Variants in SHISA9 observed in about 807,000 individuals in gnomAD.
SHISA9 encodes shisa family member 9, also known as protein shisa-9.
In SHISA9, 13 loss-of-function variants were observed where a neutral mutation model predicts 38.0. The ratio of observed to expected loss-of-function variants is 0.34; its 90% CI spans 0.22 to 0.54. The LOEUF is 0.54. Ranked by LOEUF, SHISA9 falls within the 20% of genes least tolerant of loss-of-function variation. The pLI is 0.91. For synonymous variants in SHISA9, 275 were observed against 242.0 expected (o/e 1.14, Z -1.27); for missense variants, 538 against 575.8 (o/e 0.93, Z 0.67).
chr16:13,106,441 GATA>G (rs2073926172), intron 2 of SHISA9, among the ~76,000 whole-genome samples: 2 of 152,222 alleles, frequency 1.3e-5, no homozygotes, highest in South Asian at 4.2e-4. Context: ...CTTGTTATAG[GATA>G]ATAATACCTA....
At chr16:13,517,766 A>G in the SHISA9 span, among the ~76,000 whole-genome samples, 6 of 152,122 alleles carry the variant, frequency 3.9e-5, no homozygotes, top group African/African-American at 1.4e-4. Context: ...AAACCTCTCA[A>G]AGTTCTTCAT....
At chr16:13,018,925 C>T in intron 2 of SHISA9, among the ~76,000 whole-genome samples, 1 of 152,212 alleles carries the variant, frequency 6.6e-6, no homozygotes. Context: ...AACTCCTCAG[C>T]CCATGCATTA....
intron 2 of SHISA9, among the ~76,000 whole-genome samples, chr16:13,105,520 GT>G (rs1178570283): frequency 6.6e-6 from 1 of 152,220 alleles, no homozygotes; most frequent in Non-Finnish European, 1.5e-5. Context: ...TGGGTAGGAT[GT>G]CCCCATGGGG....
intron 2 of SHISA9, among the ~76,000 whole-genome samples, chr16:13,015,882 C>CT (rs779935994): frequency 8.8e-6 from 1 of 113,262 alleles, no homozygotes; most frequent in African/African-American, 3.0e-5. Context: ...TTCTTTCTTT[C>CT]TTTCTTTCTT....
chr16:13,494,242 A>T, the SHISA9 span, among the ~76,000 whole-genome samples: 1 of 152,302 alleles, frequency 6.6e-6, no homozygotes, highest in Middle Eastern at 3.4e-3. Context: ...CCCACACTCA[A>T]AACATAGCCA....
chr16:13,435,409 T>G, the SHISA9 span, among the ~76,000 whole-genome samples: 1 of 152,232 alleles, frequency 6.6e-6, no homozygotes, highest in South Asian at 2.1e-4. Context: ...CAGTAAACTA[T>G]GTCACAAGAA....
At chr16:13,514,635 C>T in the SHISA9 span, among the ~76,000 whole-genome samples, 2 of 152,004 alleles carry the variant, frequency 1.3e-5, no homozygotes, top group Admixed American at 1.3e-4. Context: ...CAATAGAAAC[C>T]TTCCACAGAG....
intron 4 of SHISA9, among the ~76,000 whole-genome samples, chr16:13,226,766 T>C (rs2051283516): frequency 6.6e-6 from 1 of 152,188 alleles, no homozygotes; most frequent in Non-Finnish European, 1.5e-5. Context: ...CATACTGCAG[T>C]TAGCAGTTGG....
chr16:12,978,551 C>T (rs961308424), intron 2 of SHISA9, among the ~76,000 whole-genome samples: 3 of 152,164 alleles, frequency 2.0e-5, no homozygotes, highest in African/African-American at 4.8e-5. Flanking sequence ...ATAAAACTCC[C>T]ATAAACAACA....
the SHISA9 span, among the ~76,000 whole-genome samples, chr16:13,444,924 T>G: frequency 2.7e-5 from 4 of 146,784 alleles, no homozygotes; most frequent in African/African-American, 1.0e-4. Context: ...GCTCAAGTGA[T>G]TCTTGTGTCT....
chr16:13,240,429 T>A (rs1414130903), downstream of SHISA9: 1 of 152,236 alleles, frequency 6.6e-6, no homozygotes, highest in Non-Finnish European at 1.5e-5. Flanking sequence ...CTGTTGGGAT[T>A]GTCATGTATC....
At chr16:13,139,377 C>T (rs1474044814) in intron 2 of SHISA9, among the ~76,000 whole-genome samples, 3 of 126,826 alleles carry the variant, frequency 2.4e-5, no homozygotes, top group African/African-American at 9.0e-5. Context: ...TCCCTCCCTC[C>T]GTCCCTCCCT....
At chr16:13,435,555 C>T in the SHISA9 span, among the ~76,000 whole-genome samples, 1 of 152,154 alleles carries the variant, frequency 6.6e-6, no homozygotes, top group Non-Finnish European at 1.5e-5. Context: ...TCAGCTAATA[C>T]ACAAACTATC....
At chr16:13,019,835 T>TC (rs1413894675) in intron 2 of SHISA9, among the ~76,000 whole-genome samples, 49 of 67,908 alleles carry the variant, frequency 7.2e-4, no homozygotes, top group East Asian at 1.7e-3. Flanking sequence ...TTTCTTTCTT[T>TC]TTCCTTCCTT....
chr16:13,503,707 C>T, the SHISA9 span, among the ~76,000 whole-genome samples: 2 of 151,040 alleles, frequency 1.3e-5, no homozygotes, highest in East Asian at 1.9e-4. Context: ...AAAATTGTAA[C>T]TGTATTTAAC....
chr16:12,997,497 C>G (rs1315122627), intron 2 of SHISA9, among the ~76,000 whole-genome samples: 2 of 151,138 alleles, frequency 1.3e-5, no homozygotes, highest in Non-Finnish European at 2.9e-5. Context: ...ACCTCCATCT[C>G]CCGGGTTCAA....
At chr16:13,056,845 G>A (rs908790992) in intron 2 of SHISA9, among the ~76,000 whole-genome samples, 1 of 152,212 alleles carries the variant, frequency 6.6e-6, no homozygotes, top group African/African-American at 2.4e-5. Flanking sequence ...TTCATGCCAC[G>A]AAGCGTTCAT....
At chr16:13,208,433 C>CTTTTTTT (rs148636082) in intron 3 of SHISA9, among the ~76,000 whole-genome samples, 3 of 119,874 alleles carry the variant, frequency 2.5e-5, no homozygotes, top group Admixed American at 8.7e-5. Context: ...CTTTCTTTTT[C>CTTTTTTT]TTTTTTTTTC....
chr16:13,537,087 A>G, the SHISA9 span, among the ~76,000 whole-genome samples: 33,402 of 152,080 alleles, frequency 0.22, 4,436 homozygotes, highest in Admixed American at 0.36. Context: ...ATCCTGGAAA[A>G]CATACATGCA....
Sources: gnomAD v4.1 joint callset for allele counts (sites outside exome capture counted in the v4.1 genomes callset) on GRCh38, gnomAD v4.1.1 for gene constraint, MANE v1.5 for transcripts, NCBI Gene and HGNC (gene_info 2026-07-23, HGNC 2026-07-21) for gene names.